The following MRTFA variants were observed in gnomAD, a reference collection of about 807,000 sequenced individuals.
MRTFA encodes myocardin related transcription factor A, also known as myocardin-related transcription factor A.
MRTFA carries 20 observed loss-of-function variants against 83.5 expected under a neutral mutation model. That is an observed-to-expected ratio of 0.24 (90% CI 0.17 to 0.35). The LOEUF is 0.35. Ranked by LOEUF, MRTFA falls within the 10% of genes least tolerant of loss-of-function variation. The pLI is 1.00. For missense variants in MRTFA, 1,200 were observed against 1,224.7 expected, an observed-to-expected ratio of 0.98 and a Z score of 0.30; for synonymous variants, 659 against 541.2, an observed-to-expected ratio of 1.22 and a Z score of -3.02.
chr22:40,570,597 A>AAG (rs2055775740), intron 2 of MRTFA, among the ~76,000 whole-genome samples: 1 of 150,354 alleles, frequency 6.7e-6, no homozygotes, highest in East Asian at 2.0e-4. Context: ...AAAAAAAAAA[A>AAG]AAAAAAAAGA....
At chr22:40,597,848 T>C (rs540016513) in intron 1 of MRTFA, among the ~76,000 whole-genome samples, 1 of 152,380 alleles carries the variant, frequency 6.6e-6, no homozygotes, top group Non-Finnish European at 1.5e-5. Context: ...CATGCCCATG[T>C]TCATTTAAAA....
chr22:40,435,599 A>G, intron 4 of MRTFA, 45 bp from the exon 5 acceptor site: 1 of 1,597,828 alleles, frequency 6.3e-7, no homozygotes, highest in Non-Finnish European at 8.6e-7. Flanking sequence ...GCGAAGCATC[A>G]TGTCTAGTGC....
chr22:40,517,610 A>G (rs1388181502), intron 3 of MRTFA, among the ~76,000 whole-genome samples: 1 of 152,154 alleles, frequency 6.6e-6, no homozygotes, highest in South Asian at 2.1e-4. Flanking sequence ...GCCACACTGC[A>G]ATGTTGTGAT....
intron 4 of MRTFA, among the ~76,000 whole-genome samples, chr22:40,443,523 T>C (rs1360488415): frequency 2.0e-5 from 3 of 151,808 alleles, no homozygotes; most frequent in African/African-American, 4.8e-5. Context: ...GCTGAAGATG[T>C]TGGCAACCCA....
chr22:40,423,966 C>T (rs1445097140), intron 8 of MRTFA, among the ~76,000 whole-genome samples: 1 of 152,234 alleles, frequency 6.6e-6, no homozygotes, highest in African/African-American at 2.4e-5. Context: ...TGCAATCCCA[C>T]TGCAAGGCAG....
At chr22:40,586,906 C>CTGCTGGTGCTGG (rs1282850715) in intron 2 of MRTFA, 1 of 327,674 alleles carries the variant, frequency 3.1e-6, no homozygotes, top group South Asian at 2.1e-5. Flanking sequence ...GCTGCTGGTG[C>CTGCTGGTGCTGG]TGCTGGTGCT....
At position 40,531,176 on chromosome 22, in the gene MRTFA, G is replaced by A. The variant is rs142769047; in HGVS notation, c.241+20930C>T. Among the ~76,000 whole-genome samples, 722 of 151,618 alleles carry A rather than the reference G, an allele frequency of 4.8e-3. 11 individuals carry two copies. In the South Asian group the frequency reaches 0.049, roughly 10 times the overall value. On this transcript the variant is annotated intron_variant, in intron 3 of 14. Coordinates refer to ENST00000355630, the MANE Select transcript of MRTFA (RefSeq NM_020831.6). ...TAGAATGGCATGATCATAGCTTGTT[G>A]CAGCCTCGACCTCCTGGGCTCAATC...
At chr22:40,534,502 T>C (rs1422931630) in intron 3 of MRTFA, among the ~76,000 whole-genome samples, 1 of 152,224 alleles carries the variant, frequency 6.6e-6, no homozygotes, top group Non-Finnish European at 1.5e-5. Flanking sequence ...TTGCCCAGAC[T>C]GGAATGCAGT....
rs181047693 is a variant in MRTFA at position 40,412,459 on chromosome 22, A to G, written c.2579-552T>C. On this transcript the variant is annotated intron_variant, in intron 14 of 14. Coordinates refer to ENST00000355630, the MANE Select transcript of MRTFA (RefSeq NM_020831.6). ...TACTTAAAAATAGAATTACCATATG[A>G]TCTAGCAATTCCACTGCTGGGCATA... The G allele has an allele frequency of 3.3e-5, 5 of 152,352 alleles. No individual in the cohort carries two copies. The East Asian group carries it at 9.6e-4, about 29-fold the overall frequency. 9.4% of individuals were successfully genotyped at this position (152,352 alleles called of 1,614,324 possible). A position where few individuals can be genotyped will look rare whatever the true frequency, so the allele number is the denominator to read the frequency against.
intron 2 of MRTFA, among the ~76,000 whole-genome samples, chr22:40,590,069 T>C (rs2056097390): frequency 6.6e-6 from 1 of 151,478 alleles, no homozygotes; most frequent in African/African-American, 2.4e-5. Flanking sequence ...TTAAATTAAA[T>C]GAATTCTGAA....
At chr22:40,611,207 G>C (rs1251055716) in intron 1 of MRTFA, among the ~76,000 whole-genome samples, 1 of 152,054 alleles carries the variant, frequency 6.6e-6, no homozygotes, top group Non-Finnish European at 1.5e-5. Context: ...CCAAAGTGCT[G>C]GGATTACAGG....
intron 14 of MRTFA, among the ~76,000 whole-genome samples, chr22:40,413,764 A>C (rs796969607): frequency 4.6e-5 from 7 of 152,348 alleles, no homozygotes; most frequent in African/African-American, 1.7e-4. Context: ...ATTTTTAAAA[A>C]ATCAAAAAAA....
chr22:40,447,341 T>A (rs1317760869), intron 4 of MRTFA, among the ~76,000 whole-genome samples: 1 of 151,304 alleles, frequency 6.6e-6, no homozygotes, highest in East Asian at 1.9e-4. Flanking sequence ...TAACAGAGTC[T>A]TTGTTTCAAA....
At chr22:40,413,806 A>G (rs1273834325) in intron 14 of MRTFA, among the ~76,000 whole-genome samples, 1 of 152,218 alleles carries the variant, frequency 6.6e-6, no homozygotes, top group East Asian at 1.9e-4. Context: ...TCTCCAATAG[A>G]AGATACACAA....
chr22:40,445,670 T>G (rs1234456921), intron 4 of MRTFA, among the ~76,000 whole-genome samples: 1 of 152,188 alleles, frequency 6.6e-6, no homozygotes, highest in Non-Finnish European at 1.5e-5. Context: ...TGCCTCAGCC[T>G]CCTGAGTAGC....
chr22:40,486,694 A>AAGGGTACAGGGAGC (rs2054179765), intron 3 of MRTFA, among the ~76,000 whole-genome samples: 3 of 152,232 alleles, frequency 2.0e-5, no homozygotes, highest in African/African-American at 4.8e-5. Flanking sequence ...TCGTATTAAG[A>AAGGGTACAGGGAGC]AGGGTACAGG....
At chr22:40,413,137 CAAAAA>C (rs35119560) in intron 14 of MRTFA, among the ~76,000 whole-genome samples, 1 of 28,138 alleles carries the variant, frequency 3.6e-5, no homozygotes, top group African/African-American at 1.8e-4. Context: ...CACCCTGTCT[CAAAAA>C]AAAAAAAAAA....
chr22:40,448,845 C>T (rs925000005), intron 4 of MRTFA, among the ~76,000 whole-genome samples: 8 of 152,230 alleles, frequency 5.3e-5, no homozygotes, highest in East Asian at 1.9e-4. Flanking sequence ...AAATGACCAG[C>T]GATATGGTAC....
At chr22:40,484,693 AATTTCCATAT>A (rs2054146199) in intron 3 of MRTFA, among the ~76,000 whole-genome samples, 1 of 152,152 alleles carries the variant, frequency 6.6e-6, no homozygotes, top group Admixed American at 6.5e-5. Flanking sequence ...CTTCAGAAAC[AATTTCCATAT>A]ATTTCCTATT....
Sources: allele counts gnomAD v4.1 joint callset (sites outside exome capture counted in the v4.1 genomes callset), GRCh38; gene constraint gnomAD v4.1.1; transcripts MANE v1.5; gene names NCBI Gene and HGNC (gene_info 2026-07-23, HGNC 2026-07-21).